KIF26B: variants seen among roughly 807,000 people sequenced by gnomAD.
KIF26B encodes the protein kinesin family member 26B.
A neutral mutation model predicts 151.2 loss-of-function variants in KIF26B; 63 were observed. The observed-to-expected ratio is 0.42, with a 90% CI of 0.34 to 0.51. KIF26B has a LOEUF of 0.51. KIF26B is among the 20% of genes least tolerant of loss of function. KIF26B has a pLI of 0.07. For missense variants in KIF26B, 2,813 were observed against 2,913.6 expected, an observed-to-expected ratio of 0.97 and a Z score of 0.79; for synonymous variants, 1,357 against 1,262.1, an observed-to-expected ratio of 1.08 and a Z score of -1.59.
chr1:245,181,637 T>A lies in KIF26B; in HGVS notation c.465+24954T>A, dbSNP rs1202788370. Among the ~76,000 whole-genome samples, 2 of 152,112 alleles carry A rather than the reference T, an allele frequency of 1.3e-5. 1 individual carries two copies. Among genetic ancestry groups the A allele is most frequent in the African/African-American group, 4.8e-5 (2 of 41,414 alleles). ...GGTGTGTGTGTGGCTGGGTTGGTTA[T>A]GAGCTGTAGGAAAACCTAGCGACAG... On this transcript the variant is annotated intron_variant, in intron 2 of 14. Transcript: ENST00000407071.
chr1:245,184,050 G>GTTTTTTTTTTTTTTTTTTTTTTTT (rs758993117), intron 2 of KIF26B, among the ~76,000 whole-genome samples: 265 of 19,788 alleles, frequency 0.013, 84 homozygotes, highest in East Asian at 0.026. Context: ...GGGAGTTGTT[G>GTTTTTTTTTTTTTTTTTTTTTTTT]TTTTTTTTTT....
chr1:245,549,659 CAG>C lies in KIF26B; in HGVS notation c.1350+8711_1350+8712del, dbSNP rs1178405146. 8.5e-5 allele frequency among the ~76,000 whole-genome samples: 13 copies of C among 152,286 alleles called. 1 individual carries two copies. Among genetic ancestry groups the C allele is most frequent in the African/African-American group, 2.9e-4 (12 of 41,566 alleles). On this transcript the variant is annotated intron_variant, in intron 5 of 14. Coordinates refer to ENST00000407071, the MANE Select transcript of KIF26B (RefSeq NM_018012.4). ...AGAAAGTTTTCCTTTGTGCCTCAAA[CAG>C]AATAGGAAATGCTGTTCTTGCCTAC...
At chr1:245,306,058 T>C (rs11587402) in intron 2 of KIF26B, among the ~76,000 whole-genome samples, 8,440 of 152,154 alleles carry the variant, frequency 0.055, 276 homozygotes, top group African/African-American at 0.071. Context: ...AATTCTACCC[T>C]TGTTATGAAA....
intron 4 of KIF26B, among the ~76,000 whole-genome samples, chr1:245,496,078 C>A (rs1461400738): frequency 6.6e-6 from 1 of 151,952 alleles, no homozygotes; most frequent in South Asian, 2.1e-4. Context: ...AGGAAGTATA[C>A]GGATAGAAAG....
intron 3 of KIF26B, among the ~76,000 whole-genome samples, chr1:245,406,018 T>C (rs997519687): frequency 1.3e-5 from 2 of 152,244 alleles, no homozygotes; most frequent in African/African-American, 4.8e-5. Context: ...TGTATGTTTT[T>C]GCACAAAGGC....
intron 3 of KIF26B, among the ~76,000 whole-genome samples, chr1:245,401,125 T>G (rs1303685759): frequency 6.6e-6 from 1 of 152,230 alleles, no homozygotes; most frequent in Non-Finnish European, 1.5e-5. Flanking sequence ...CTGAACTCAC[T>G]TCAAAAGCGA....
At chr1:245,509,620 T>A in intron 4 of KIF26B, among the ~76,000 whole-genome samples, 1 of 152,234 alleles carries the variant, frequency 6.6e-6, no homozygotes, top group East Asian at 1.9e-4. Flanking sequence ...AACTCCTGCC[T>A]GCAGAACTAT....
At chr1:245,507,885 A>G (rs1465248514) in intron 4 of KIF26B, among the ~76,000 whole-genome samples, 2 of 152,176 alleles carry the variant, frequency 1.3e-5, no homozygotes, top group Non-Finnish European at 2.9e-5. Context: ...TTCAAGATGG[A>G]TTCCTATTGG....
chr1:245,207,057 G>A (rs1430190154), intron 2 of KIF26B, among the ~76,000 whole-genome samples: 1 of 152,188 alleles, frequency 6.6e-6, no homozygotes, highest in African/African-American at 2.4e-5. Context: ...AGAAGCCTGT[G>A]TCCCTTAAGC....
At chr1:245,290,794 T>C (rs567379221) in intron 2 of KIF26B, among the ~76,000 whole-genome samples, 1 of 152,386 alleles carries the variant, frequency 6.6e-6, no homozygotes, top group African/African-American at 2.4e-5. Flanking sequence ...CAAATGCCTC[T>C]AACCCTACTT....
At chr1:245,530,565 G>A (rs1661338742) in intron 4 of KIF26B, among the ~76,000 whole-genome samples, 1 of 152,244 alleles carries the variant, frequency 6.6e-6, no homozygotes, top group South Asian at 2.1e-4. Context: ...ATTATGTTAA[G>A]TGAAATTAGC....
At chr1:245,648,029 C>G (rs921787943) in intron 10 of KIF26B, among the ~76,000 whole-genome samples, 16 of 152,082 alleles carry the variant, frequency 1.1e-4, no homozygotes, top group African/African-American at 3.9e-4. Flanking sequence ...GGGAGGGAAA[C>G]CGTTGGAGTT....
chr1:245,386,052 C>A (rs1304686195), intron 3 of KIF26B, among the ~76,000 whole-genome samples: 1 of 152,044 alleles, frequency 6.6e-6, no homozygotes. Context: ...ACCACCCTGG[C>A]CAACATGGTG....
intron 2 of KIF26B, among the ~76,000 whole-genome samples, chr1:245,327,144 C>T (rs1013996395): frequency 3.9e-5 from 6 of 152,184 alleles, no homozygotes; most frequent in Non-Finnish European, 1.5e-5. Flanking sequence ...ATGTTGCTGG[C>T]GCCCCTCCTA....
At chr1:245,640,713 A>G (rs1392671130) in intron 9 of KIF26B, among the ~76,000 whole-genome samples, 1 of 152,118 alleles carries the variant, frequency 6.6e-6, no homozygotes, top group Admixed American at 6.6e-5. Flanking sequence ...GCTTACAAAA[A>G]CATCCTGTAA....
intron 2 of KIF26B, among the ~76,000 whole-genome samples, chr1:245,301,053 A>G (rs572532347): frequency 1.2e-3 from 147 of 123,018 alleles, no homozygotes; most frequent in African/African-American, 1.9e-3. Flanking sequence ...CTGGTCTCGA[A>G]CTCCTGATCT....
intron 2 of KIF26B, among the ~76,000 whole-genome samples, chr1:245,238,990 C>T (rs1670164681): frequency 1.3e-5 from 2 of 152,140 alleles, no homozygotes; most frequent in Non-Finnish European, 2.9e-5. Flanking sequence ...TCTGTAGACC[C>T]GACTTTGAGG....
At chr1:245,672,208 G>C (rs896579404) in intron 10 of KIF26B, among the ~76,000 whole-genome samples, 2 of 152,224 alleles carry the variant, frequency 1.3e-5, no homozygotes, top group Non-Finnish European at 2.9e-5. Context: ...GCTTCACCAG[G>C]CCTCCTGGAA....
chr1:245,400,931 C>A (rs1407954500), intron 3 of KIF26B, among the ~76,000 whole-genome samples: 1 of 152,098 alleles, frequency 6.6e-6, no homozygotes, highest in Non-Finnish European at 1.5e-5. Flanking sequence ...CCAACTCATT[C>A]AGTGTATTTT....
Sources: allele counts gnomAD v4.1 joint callset (sites outside exome capture counted in the v4.1 genomes callset), GRCh38; gene constraint gnomAD v4.1.1; transcripts MANE v1.5; gene names NCBI Gene and HGNC (gene_info 2026-07-23, HGNC 2026-07-21).